The following TMTC1 variants were observed in gnomAD, a reference collection of about 807,000 sequenced individuals.
The protein encoded by TMTC1 is protein O-mannosyl-transferase TMTC1.
Under a neutral mutation model 104.8 loss-of-function variants are expected in TMTC1, and 73 were observed. The ratio of observed to expected loss-of-function variants is 0.70; its 90% CI spans 0.58 to 0.85. The LOEUF (loss-of-function observed/expected upper bound fraction) is 0.85, where lower values mean the gene tolerates loss of function less well. Among genes scored for constraint, TMTC1 ranks in the 40% least tolerant of loss-of-function variants. The probability of loss-of-function intolerance (pLI) is 0.00; values close to 1 mark genes in which losing one functional copy is unlikely to be tolerated. For synonymous variants in TMTC1, 434 were observed against 428.7 expected (o/e 1.01, Z -0.15); for missense variants, 1,035 against 1,096.1 (o/e 0.94, Z 0.79).
intron 5 of TMTC1, among the ~76,000 whole-genome samples, chr12:29,646,726 A>G (rs1416848633): frequency 1.3e-5 from 2 of 152,180 alleles, no homozygotes; most frequent in East Asian, 3.8e-4. Context: ...CTATTTTTCT[A>G]TGAATATATT....
chr12:29,559,677 C>T (rs1482995444), intron 9 of TMTC1, among the ~76,000 whole-genome samples: 2 of 152,142 alleles, frequency 1.3e-5, no homozygotes, highest in African/African-American at 2.4e-5. Context: ...CCCAACTCCT[C>T]AAGGAAGGAG....
At chr12:29,579,665 T>C (rs1945921596) in intron 8 of TMTC1, among the ~76,000 whole-genome samples, 1 of 152,152 alleles carries the variant, frequency 6.6e-6, no homozygotes, top group Non-Finnish European at 1.5e-5. Context: ...TCTAATCAAA[T>C]TATGCTATTA....
intron 3 of TMTC1, among the ~76,000 whole-genome samples, chr12:29,757,281 C>A (rs1246017979): frequency 6.6e-6 from 1 of 152,198 alleles, no homozygotes; most frequent in Non-Finnish European, 1.5e-5. Flanking sequence ...CATAGCCCCA[C>A]TGGCATTTTC....
intron 5 of TMTC1, among the ~76,000 whole-genome samples, chr12:29,665,240 G>GT (rs2136659735): frequency 6.6e-6 from 1 of 152,284 alleles, no homozygotes; most frequent in South Asian, 2.1e-4. Context: ...AAAATTTGAA[G>GT]TTGCATATGA....
At chr12:29,549,330 A>G (rs1486600632) in intron 10 of TMTC1, among the ~76,000 whole-genome samples, 1 of 152,124 alleles carries the variant, frequency 6.6e-6, no homozygotes, top group Non-Finnish European at 1.5e-5. Flanking sequence ...TTCTAGGCCA[A>G]ACTAACTTAT....
At chr12:29,598,683 T>A (rs887916333) in intron 7 of TMTC1, among the ~76,000 whole-genome samples, 1 of 152,220 alleles carries the variant, frequency 6.6e-6, no homozygotes, top group Non-Finnish European at 1.5e-5. Context: ...TATTCCCAAG[T>A]ATTTTTTTGT....
rs1262300639 is a variant in TMTC1 at position 29,517,431 on chromosome 12, G to A, written c.2165C>T (p.Ala722Val). The change falls in exon 14 of 18, where the codon GCA (alanine) becomes GTA (valine). Residue 722 changes from alanine to valine, a missense_variant. Physicochemically the swap from Ala to Val is moderately conservative, Grantham distance 64. Transcript: ENST00000539277. The part of the protein sequence containing the change: ...LQPSQRELRL[A>V]LAQVLAVMGQ... ...ATTTTCTTTCATCCTACTCACCAGT[G>A]CCAAGCGGAGCTCCCTCTGAGAAGG... The A allele has an allele frequency of 6.2e-6, 10 of 1,614,004 alleles. No homozygotes were observed. Among genetic ancestry groups the A allele is most frequent in the Non-Finnish European group, 8.5e-6 (10 of 1,179,990 alleles).
chr12:29,761,493 CAG>C (rs747372619), intron 2 of TMTC1, among the ~76,000 whole-genome samples: 18 of 151,506 alleles, frequency 1.2e-4, no homozygotes, highest in Non-Finnish European at 1.9e-4. Context: ...TGCATTACTT[CAG>C]AAGAAGATTG....
intron 5 of TMTC1, among the ~76,000 whole-genome samples, chr12:29,720,225 C>T (rs554888094): frequency 2.6e-4 from 39 of 152,310 alleles, no homozygotes; most frequent in African/African-American, 8.9e-4. Context: ...ACACTAAATC[C>T]ATACTCTTTC....
At chr12:29,731,068 C>T (rs912422382) in intron 5 of TMTC1, among the ~76,000 whole-genome samples, 1 of 152,160 alleles carries the variant, frequency 6.6e-6, no homozygotes, top group African/African-American at 2.4e-5. Context: ...AACCAAAAAT[C>T]TATTTTCTGC....
chr12:29,556,995 T>C lies in TMTC1; in HGVS notation c.1538A>G (p.Tyr513Cys), dbSNP rs1945263291. Residue 513 changes from tyrosine to cysteine, a missense_variant, in exon 10 of 18, where the codon TAT becomes TGT. Tyr to Cys is a radical substitution (Grantham distance 194, BLOSUM62 -2). Coordinates refer to ENST00000539277, the MANE Select transcript of TMTC1 (RefSeq NM_001193451.2). Reference protein sequence around the residue: ...IYHYRTALKLYPRHASALNNL... With the variant: ...IYHYRTALKLCPRHASALNNL... The stretch of plus-strand genomic sequence containing the variant: ...GTTGAGCGCACTTGCATGGCGTGGA[T>C]ACAACCTGAAAAGTTAAAAATATTA... The C allele has an allele frequency of 6.2e-7, 1 of 1,613,962 alleles. No individual in the cohort carries two copies. Among genetic ancestry groups the C allele is most frequent in the Non-Finnish European group, 8.5e-7 (1 of 1,179,958 alleles).
chr12:29,529,460 T>C (rs1469473940), intron 11 of TMTC1, among the ~76,000 whole-genome samples: 21 of 152,242 alleles, frequency 1.4e-4, no homozygotes, highest in Non-Finnish European at 1.9e-4. Context: ...AGTCTTAAAG[T>C]ATATTCCTAT....
intron 11 of TMTC1, chr12:29,534,238 A>C (rs564617033): frequency 6.6e-6 from 1 of 152,270 alleles, no homozygotes; most frequent in Non-Finnish European, 1.5e-5. Context: ...CTAAATAGTT[A>C]AAAACATGAA....
intron 7 of TMTC1, among the ~76,000 whole-genome samples, chr12:29,601,861 G>T: frequency 6.9e-6 from 1 of 144,442 alleles, no homozygotes; most frequent in African/African-American, 2.6e-5. Flanking sequence ...TTTTTTAGAC[G>T]GAGTCTTGCA....
intron 3 of TMTC1, 93 bp downstream of exon 3, chr12:29,758,611 A>G: frequency 1.6e-6 from 2 of 1,250,772 alleles, no homozygotes; most frequent in Non-Finnish European, 2.3e-6. Context: ...GCATTTCACA[A>G]CCAGAAGCTT....
At chr12:29,773,690 G>T (rs1204417969) in intron 1 of TMTC1, among the ~76,000 whole-genome samples, 1 of 152,124 alleles carries the variant, frequency 6.6e-6, no homozygotes, top group Non-Finnish European at 1.5e-5. Context: ...TTCATTCCTA[G>T]GGACAATATG....
At chr12:29,554,874 T>G (rs993223328) in intron 10 of TMTC1, among the ~76,000 whole-genome samples, 2 of 152,102 alleles carry the variant, frequency 1.3e-5, no homozygotes, top group Non-Finnish European at 2.9e-5. Context: ...AATATACATA[T>G]AAAGAAGCAC....
chr12:29,641,842 A>C (rs967538499), intron 5 of TMTC1, among the ~76,000 whole-genome samples: 5 of 152,200 alleles, frequency 3.3e-5, no homozygotes, highest in African/African-American at 9.7e-5. Context: ...GAAATCCAAA[A>C]TATGATACAA....
chr12:29,695,751 T>C (rs939818240), intron 5 of TMTC1, among the ~76,000 whole-genome samples: 2 of 145,432 alleles, frequency 1.4e-5, no homozygotes, highest in Non-Finnish European at 3.0e-5. Context: ...ATAAGGTAAA[T>C]CAATAAGATT....
Sources: gnomAD v4.1 joint callset for allele counts (sites outside exome capture counted in the v4.1 genomes callset) on GRCh38, gnomAD v4.1.1 for gene constraint, MANE v1.5 for transcripts, NCBI Gene and HGNC (gene_info 2026-07-23, HGNC 2026-07-21) for gene names.